AVEN: variants seen among roughly 807,000 people sequenced by gnomAD.
AVEN encodes the protein cell death regulator Aven.
Under a neutral mutation model 38.1 loss-of-function variants are expected in AVEN, and 41 were observed. That is an observed-to-expected ratio of 1.08 (90% CI 0.84 to 1.40). The LOEUF is 1.40. Ranked by LOEUF, AVEN falls within the 40% of genes most tolerant of loss-of-function variation. The pLI, the probability that AVEN is intolerant of heterozygous loss-of-function variation, is 0.00. For missense variants in AVEN, 605 were observed against 438.8 expected, an observed-to-expected ratio of 1.38 and a Z score of -3.38; for synonymous variants, 206 against 171.8, an observed-to-expected ratio of 1.20 and a Z score of -1.56.
At chr15:34,048,978 C>T (rs1333184840) in intron 5 of AVEN, among the ~76,000 whole-genome samples, 1 of 152,170 alleles carries the variant, frequency 6.6e-6, no homozygotes, top group Non-Finnish European at 1.5e-5. Context: ...AGTTGTCTGA[C>T]TGTTAAAAGA....
intron 2 of AVEN, among the ~76,000 whole-genome samples, chr15:33,917,713 T>G (rs546186056): frequency 1.3e-5 from 2 of 152,284 alleles, no homozygotes; most frequent in South Asian, 4.1e-4. Flanking sequence ...GAGATTACTA[T>G]TCTAAGTGAA....
intron 2 of AVEN, among the ~76,000 whole-genome samples, chr15:34,068,120 A>ATG (rs4041440): frequency 0.099 from 14,944 of 150,474 alleles, 829 homozygotes; most frequent in African/African-American, 0.14. Context: ...CTCTCTCTGT[A>ATG]TGTGTGTGTG....
intron 1 of AVEN, among the ~76,000 whole-genome samples, chr15:34,014,707 C>T (rs895020436): frequency 6.6e-6 from 1 of 152,142 alleles, no homozygotes; most frequent in Non-Finnish European, 1.5e-5. Flanking sequence ...GTTCAGCGGG[C>T]CCATCTGGGA....
At chr15:33,917,525 G>GTGTATA (rs1200110843) in intron 2 of AVEN, among the ~76,000 whole-genome samples, 1 of 145,810 alleles carries the variant, frequency 6.9e-6, no homozygotes, top group African/African-American at 2.5e-5. Flanking sequence ...ACACATACGT[G>GTGTATA]TATATATATA....
At chr15:33,905,526 C>T (rs1302715579) in intron 2 of AVEN, among the ~76,000 whole-genome samples, 1 of 152,056 alleles carries the variant, frequency 6.6e-6, no homozygotes, top group East Asian at 1.9e-4. Context: ...TATTTTCTTC[C>T]AAAGGAAGAT....
At chr15:33,983,691 G>T (rs915272797) in intron 2 of AVEN, among the ~76,000 whole-genome samples, 1 of 152,094 alleles carries the variant, frequency 6.6e-6, no homozygotes, top group African/African-American at 2.4e-5. Flanking sequence ...TCTTGAGTGT[G>T]AGCAGGACTT....
chr15:33,947,256 G>A (rs1474688282), intron 2 of AVEN, among the ~76,000 whole-genome samples: 2 of 152,232 alleles, frequency 1.3e-5, no homozygotes, highest in East Asian at 3.8e-4. Flanking sequence ...CTCTGTTGCA[G>A]ATTGGTGTGG....
At chr15:33,944,551 T>C (rs1894436296) in intron 2 of AVEN, among the ~76,000 whole-genome samples, 1 of 152,178 alleles carries the variant, frequency 6.6e-6, no homozygotes, top group African/African-American at 2.4e-5. Context: ...GGCTCACGCC[T>C]GTAATCCCAG....
At chr15:33,963,572 G>C (rs984671600) in intron 2 of AVEN, among the ~76,000 whole-genome samples, 3 of 152,038 alleles carry the variant, frequency 2.0e-5, no homozygotes, top group African/African-American at 7.2e-5. Context: ...CAAGGCAGGC[G>C]GATCACTTGA....
At chr15:33,854,965 A>G (rs2079491316), downstream of AVEN, 3 of 1,512,442 alleles carry the variant, frequency 2.0e-6, no homozygotes, top group East Asian at 2.3e-5. Context: ...CACAGGAAAA[A>G]AAGAACAGCA....
chr15:33,956,038 G>A (rs1390250913), intron 2 of AVEN, among the ~76,000 whole-genome samples: 2 of 152,122 alleles, frequency 1.3e-5, no homozygotes, highest in African/African-American at 4.8e-5. Context: ...AATGGAAAAT[G>A]CTGGGAATAA....
At chr15:33,952,766 A>T (rs1324804119) in intron 2 of AVEN, among the ~76,000 whole-genome samples, 2 of 151,944 alleles carry the variant, frequency 1.3e-5, no homozygotes, top group Non-Finnish European at 2.9e-5. Flanking sequence ...GTATGTCTGA[A>T]TGCCTAATAG....
chr15:33,965,729 T>C (rs1420404080), intron 2 of AVEN, among the ~76,000 whole-genome samples: 3 of 152,106 alleles, frequency 2.0e-5, no homozygotes, highest in African/African-American at 4.8e-5. Context: ...TGCTTTATTA[T>C]ATGTATCAAA....
chr15:34,004,360 A>G (rs915755211), intron 1 of AVEN, among the ~76,000 whole-genome samples: 12 of 152,248 alleles, frequency 7.9e-5, no homozygotes, highest in African/African-American at 2.9e-4. Context: ...AGTTTCTTCA[A>G]TAAATAAACT....
intron 2 of AVEN, among the ~76,000 whole-genome samples, chr15:33,999,574 G>C (rs1567458274): frequency 6.6e-6 from 1 of 152,104 alleles, no homozygotes; most frequent in South Asian, 2.1e-4. Context: ...CCAAAACCTA[G>C]TGTCATCCTT....
intron 2 of AVEN, among the ~76,000 whole-genome samples, chr15:33,956,284 C>T (rs1894950882): frequency 6.6e-6 from 1 of 152,222 alleles, no homozygotes; most frequent in Non-Finnish European, 1.5e-5. Flanking sequence ...CTCCCCGCTC[C>T]TCCAATTCCC....
chr15:33,911,563 A>G (rs913989699), intron 2 of AVEN, among the ~76,000 whole-genome samples: 1 of 152,248 alleles, frequency 6.6e-6, no homozygotes, highest in African/African-American at 2.4e-5. Flanking sequence ...CTTCGTTAAA[A>G]GCACAAATTA....
intron 2 of AVEN, among the ~76,000 whole-genome samples, chr15:33,953,397 G>T (rs1044395120): frequency 2.0e-5 from 3 of 152,082 alleles, no homozygotes; most frequent in African/African-American, 7.2e-5. Flanking sequence ...TATACTACAA[G>T]GCTACAGTAA....
At chr15:33,860,157 A>AT (rs2080183359) in intron 11 of AVEN, among the ~76,000 whole-genome samples, 1 of 152,222 alleles carries the variant, frequency 6.6e-6, no homozygotes, top group African/African-American at 2.4e-5. Context: ...AAGATGATAA[A>AT]TTTAGCTTGA....
Sources: allele counts gnomAD v4.1 joint callset (sites outside exome capture counted in the v4.1 genomes callset), GRCh38; gene constraint gnomAD v4.1.1; transcripts MANE v1.5; gene names NCBI Gene and HGNC (gene_info 2026-07-23, HGNC 2026-07-21).